The following CDH13 variants were observed in gnomAD, a reference collection of about 807,000 sequenced individuals.
The protein encoded by CDH13 is cadherin-13.
Under a neutral mutation model 63.8 loss-of-function variants are expected in CDH13, and 24 were observed. The observed-to-expected ratio is 0.38, with a 90% CI of 0.27 to 0.53. CDH13 has a LOEUF of 0.53. Among genes scored for constraint, CDH13 ranks in the 20% least tolerant of loss-of-function variants. The pLI is 0.85. For synonymous variants in CDH13, 503 were observed against 355.3 expected (o/e 1.42, Z -4.67); for missense variants, 1,049 against 903.1 (o/e 1.16, Z -2.07).
At chr16:83,403,432 G>A (rs1018034679) in intron 6 of CDH13, among the ~76,000 whole-genome samples, 3 of 152,038 alleles carry the variant, frequency 2.0e-5, no homozygotes, top group African/African-American at 4.8e-5. Context: ...GAGCATCCTG[G>A]CTAACACGGT....
At chr16:83,333,034 T>C (rs2090511539) in intron 5 of CDH13, among the ~76,000 whole-genome samples, 1 of 152,050 alleles carries the variant, frequency 6.6e-6, no homozygotes, top group Non-Finnish European at 1.5e-5. Flanking sequence ...ACCTAACAAG[T>C]AGGAAACTTT....
At chr16:82,969,580 A>T (rs1263219127) in intron 2 of CDH13, among the ~76,000 whole-genome samples, 1 of 151,594 alleles carries the variant, frequency 6.6e-6, no homozygotes, top group East Asian at 1.9e-4. Context: ...AATATTGACA[A>T]TTTGAACTAG....
At chr16:83,492,208 T>TAA (rs33992015) in intron 7 of CDH13, among the ~76,000 whole-genome samples, 102,742 of 151,886 alleles carry the variant, frequency 0.68, 36,017 homozygotes, top group East Asian at 0.89. Flanking sequence ...AGAACAATGG[T>TAA]AAAAAAGGAT....
intron 1 of CDH13, among the ~76,000 whole-genome samples, chr16:82,638,048 G>A (rs1908902350): frequency 6.6e-6 from 1 of 152,226 alleles, no homozygotes; most frequent in Admixed American, 6.5e-5. Context: ...GAAATCCATT[G>A]AAGGGAGAAG....
intron 1 of CDH13, among the ~76,000 whole-genome samples, chr16:82,629,922 T>C (rs1907805392): frequency 1.3e-5 from 2 of 152,220 alleles, no homozygotes; most frequent in African/African-American, 4.8e-5. Flanking sequence ...GGGTAGCACT[T>C]ACAACTAACC....
intron 3 of CDH13, among the ~76,000 whole-genome samples, chr16:83,116,201 G>C (rs1405236091): frequency 1.3e-5 from 2 of 152,186 alleles, no homozygotes; most frequent in Non-Finnish European, 2.9e-5. Flanking sequence ...TCCCCATTTG[G>C]TCTTGACATT....
chr16:83,397,812 G>A (rs998472717), intron 6 of CDH13: 13 of 152,226 alleles, frequency 8.5e-5, no homozygotes, highest in African/African-American at 3.1e-4. Context: ...TGTAACTGCA[G>A]TGCCTGGCAG....
chr16:83,663,225 A>G (rs1913602935), intron 8 of CDH13, among the ~76,000 whole-genome samples: 1 of 152,212 alleles, frequency 6.6e-6, no homozygotes, highest in Non-Finnish European at 1.5e-5. Context: ...GGAAGCTAGG[A>G]TCACATGATA....
chr16:82,924,507 T>C lies in CDH13; in HGVS notation c.157+66034T>C, dbSNP rs139169221. ...TCAGCTGCGGTGCATTTGTGGCTTT[T>C]ATTTCTGCACTGCCGCTTGTTACTT... On this transcript the variant is annotated intron_variant, in intron 2 of 13. Coordinates refer to ENST00000567109, the MANE Select transcript of CDH13 (RefSeq NM_001257.5). 5.9e-5 allele frequency among the ~76,000 whole-genome samples: 9 copies of C among 152,338 alleles called. 1 individual carries two copies. Among genetic ancestry groups the C allele is most frequent in the Middle Eastern group, 3.4e-3 (1 of 294 alleles).
intron 2 of CDH13, among the ~76,000 whole-genome samples, chr16:82,875,060 A>C (rs569822578): frequency 2.1e-4 from 32 of 152,346 alleles, no homozygotes; most frequent in Middle Eastern, 3.4e-3. Context: ...GAGTCTGCAC[A>C]TGACAGCTTT....
intron 3 of CDH13, among the ~76,000 whole-genome samples, chr16:83,084,545 T>A (rs945369676): frequency 2.0e-5 from 3 of 152,190 alleles, no homozygotes; most frequent in African/African-American, 7.2e-5. Context: ...ATGGAGAGCA[T>A]GTCCTTTAGA....
chr16:83,267,984 T>A (rs1323668079), intron 5 of CDH13, among the ~76,000 whole-genome samples: 1 of 152,128 alleles, frequency 6.6e-6, no homozygotes, highest in East Asian at 1.9e-4. Context: ...TTAATCAAGC[T>A]TTACTCATTT....
At chr16:83,555,871 T>C (rs544777684) in intron 7 of CDH13, among the ~76,000 whole-genome samples, 14 of 152,338 alleles carry the variant, frequency 9.2e-5, no homozygotes, top group African/African-American at 2.9e-4. Context: ...GACATATCCA[T>C]GCAAGAGTAT....
chr16:82,755,990 G>A (rs188987154), intron 1 of CDH13, among the ~76,000 whole-genome samples: 59 of 152,310 alleles, frequency 3.9e-4, no homozygotes, highest in Non-Finnish European at 3.8e-4. Context: ...AGAAGTTGCA[G>A]AGCGTTCTAG....
intron 1 of CDH13, among the ~76,000 whole-genome samples, chr16:82,833,825 C>T (rs533025842): frequency 1.1e-4 from 16 of 152,274 alleles, no homozygotes; most frequent in East Asian, 3.9e-4. Context: ...TGTGTGGCTA[C>T]GCTGAGGGTT....
At chr16:83,619,345 C>T (rs180866464) in intron 8 of CDH13, among the ~76,000 whole-genome samples, 3 of 152,306 alleles carry the variant, frequency 2.0e-5, no homozygotes, top group African/African-American at 7.2e-5. Flanking sequence ...AAAGTCATAA[C>T]AGAGGGGGAC....
chr16:82,864,523 A>G (rs1176595171), intron 2 of CDH13, among the ~76,000 whole-genome samples: 1 of 152,052 alleles, frequency 6.6e-6, no homozygotes, highest in African/African-American at 2.4e-5. Flanking sequence ...AGATAAGGGG[A>G]GGAGCCCCTT....
intron 1 of CDH13, among the ~76,000 whole-genome samples, chr16:82,742,994 G>A (rs531303271): frequency 5.9e-5 from 9 of 152,118 alleles, no homozygotes; most frequent in Non-Finnish European, 1.2e-4. Context: ...AATTATGTAA[G>A]AGAATAACCA....
chr16:82,641,250 T>C (rs994027211), intron 1 of CDH13, among the ~76,000 whole-genome samples: 2 of 152,188 alleles, frequency 1.3e-5, no homozygotes, highest in Non-Finnish European at 2.9e-5. Context: ...TTCTCTGTGC[T>C]TCCCTGCTGA....
Sources: allele counts gnomAD v4.1 joint callset (sites outside exome capture counted in the v4.1 genomes callset), GRCh38; gene constraint gnomAD v4.1.1; transcripts MANE v1.5; gene names NCBI Gene and HGNC (gene_info 2026-07-23, HGNC 2026-07-21).